Variants in FSTL5 observed in about 807,000 individuals in gnomAD.
The protein encoded by FSTL5 is follistatin like 5.
In FSTL5, 62 loss-of-function variants were observed where a neutral mutation model predicts 89.1. The observed-to-expected ratio is 0.70, with a 90% CI of 0.57 to 0.86. The LOEUF (loss-of-function observed/expected upper bound fraction) is 0.86, where lower values mean the gene tolerates loss of function less well. FSTL5 is among the 40% of genes least tolerant of loss of function. The pLI is 0.00. For missense variants in FSTL5, 1,057 were observed against 1,001.6 expected (o/e 1.06, Z -0.75); for synonymous variants, 383 against 346.2 (o/e 1.11, Z -1.18).
Position 161,500,071 on chromosome 4 carries a change from A to G in FSTL5, c.1403T>C (p.Ile468Thr), listed in dbSNP as rs1334729546. 2 of 1,611,038 alleles carry G rather than the reference A, an allele frequency of 1.2e-6. No homozygotes were observed. The highest frequency in any genetic ancestry group is 1.1e-5 in the South Asian group (1 of 90,696). ...AATGTGCCTCTGAAATTCACATTCTATGGGTTGTATCACTTTGATTCCATC... is the reference window on the plus strand; with the variant it reads ...AATGTGCCTCTGAAATTCACATTCTGTGGGTTGTATCACTTTGATTCCATC... ...YEDGIKVIQP[I>T]ECEFQRHIKP... Residue 468 changes from isoleucine to threonine, a missense_variant, in exon 12 of 16, where the codon ATA becomes ACA. Ile to Thr is a moderately conservative substitution (Grantham distance 89). Around this residue, in one of 3 missense-constraint regions of FSTL5, gnomAD observed 980 missense variants for 903.2 expected, o/e 1.08. Transcript: ENST00000306100.
chr4:161,448,823 G>C (rs1394677600), intron 15 of FSTL5, among the ~76,000 whole-genome samples: 2 of 152,072 alleles, frequency 1.3e-5, no homozygotes, highest in Admixed American at 6.6e-5. Flanking sequence ...GATCCTAAAG[G>C]AGTGCCTTCC....
intron 3 of FSTL5, among the ~76,000 whole-genome samples, chr4:161,980,247 GA>G (rs1425843043): frequency 7.9e-6 from 1 of 126,538 alleles, no homozygotes; most frequent in African/African-American, 2.9e-5. Context: ...AAGAAAGGAA[GA>G]AGGAAGAAAG....
At chr4:161,872,145 T>G (rs1252077706) in intron 4 of FSTL5, among the ~76,000 whole-genome samples, 3 of 132,078 alleles carry the variant, frequency 2.3e-5, no homozygotes, top group East Asian at 2.4e-4. Flanking sequence ...TTTTTGGTTT[T>G]TTTTTTTTTT....
At position 162,158,399 on chromosome 4, in the gene FSTL5, T is replaced by C. The variant is rs1379945138; in HGVS notation, c.-17+5216A>G. 3.3e-5 allele frequency among the ~76,000 whole-genome samples: 5 copies of C among 152,250 alleles called. No individual in the cohort carries two copies. In the East Asian group the frequency reaches 9.6e-4, roughly 29 times the overall value. On this transcript the variant is annotated intron_variant, in intron 1 of 15. Coordinates refer to ENST00000306100, the MANE Select transcript of FSTL5 (RefSeq NM_020116.5). ...AAACCCCTTAAGGTCTTTGGTATTA[T>C]GTATTCTAAAGTGTGTATACTAAAG...
chr4:161,515,155 A>T (rs1264892896), intron 10 of FSTL5, among the ~76,000 whole-genome samples: 1 of 152,008 alleles, frequency 6.6e-6, no homozygotes, highest in Non-Finnish European at 1.5e-5. Context: ...ATTAAAAAAA[A>T]CCTCAAATTT....
At chr4:161,611,664 A>C (rs980120631) in intron 7 of FSTL5, among the ~76,000 whole-genome samples, 2 of 152,200 alleles carry the variant, frequency 1.3e-5, no homozygotes, top group African/African-American at 4.8e-5. Flanking sequence ...TACAGTGAAC[A>C]CATAGAAATG....
intron 4 of FSTL5, among the ~76,000 whole-genome samples, chr4:161,842,831 A>G (rs1731254606): frequency 6.6e-6 from 1 of 152,128 alleles, no homozygotes; most frequent in Non-Finnish European, 1.5e-5. Context: ...AGACATGACA[A>G]TCCTTTGCCA....
At chr4:161,558,293 C>G (rs1361894498) in intron 8 of FSTL5, among the ~76,000 whole-genome samples, 3 of 151,714 alleles carry the variant, frequency 2.0e-5, no homozygotes, top group Admixed American at 1.3e-4. Flanking sequence ...GTCACTAGGG[C>G]TTTTGTGGTG....
intron 4 of FSTL5, among the ~76,000 whole-genome samples, chr4:161,811,328 T>C (rs1211391934): frequency 2.0e-5 from 3 of 152,204 alleles, no homozygotes; most frequent in Non-Finnish European, 4.4e-5. Context: ...TTTTCTTTGC[T>C]GGATAATCAA....
chr4:161,509,793 C>T (rs17041137), intron 11 of FSTL5, among the ~76,000 whole-genome samples: 26,917 of 152,076 alleles, frequency 0.18, 2,657 homozygotes, highest in East Asian at 0.37. Flanking sequence ...TTCTTCCCAG[C>T]CTTTGTGACT....
intron 3 of FSTL5, among the ~76,000 whole-genome samples, chr4:161,991,477 A>T (rs967629168): frequency 6.6e-6 from 1 of 152,124 alleles, no homozygotes; most frequent in African/African-American, 2.4e-5. Flanking sequence ...CATATTATTA[A>T]CTCATTTGAA....
At chr4:161,687,696 C>A (rs1396020019) in intron 6 of FSTL5, among the ~76,000 whole-genome samples, 1 of 152,182 alleles carries the variant, frequency 6.6e-6, no homozygotes, top group East Asian at 1.9e-4. Flanking sequence ...GCCATTCTCT[C>A]TCTACCTTGG....
chr4:161,518,409 T>C (rs1227686058), intron 10 of FSTL5, among the ~76,000 whole-genome samples: 1 of 152,154 alleles, frequency 6.6e-6, no homozygotes, highest in African/African-American at 2.4e-5. Flanking sequence ...AGGACTATGA[T>C]AACTTGTGAC....
intron 7 of FSTL5, among the ~76,000 whole-genome samples, chr4:161,620,230 C>T (rs1220380680): frequency 1.3e-5 from 2 of 150,666 alleles, no homozygotes; most frequent in African/African-American, 2.4e-5. Context: ...AGGAGATATA[C>T]CTAATGCTAA....
intron 12 of FSTL5, among the ~76,000 whole-genome samples, chr4:161,497,836 G>A (rs1249902250): frequency 6.6e-6 from 1 of 151,626 alleles, no homozygotes; most frequent in Non-Finnish European, 1.5e-5. Flanking sequence ...GTGGATAAGG[G>A]TTCACTGTTT....
chr4:161,794,468 T>C (rs181852199), intron 4 of FSTL5, among the ~76,000 whole-genome samples: 2 of 152,318 alleles, frequency 1.3e-5, no homozygotes, highest in Admixed American at 1.3e-4. Flanking sequence ...CATATTAAGG[T>C]AATTGTAAAT....
At chr4:161,475,027 CTTTTT>C (rs58684881) in intron 13 of FSTL5, among the ~76,000 whole-genome samples, 1 of 129,452 alleles carries the variant, frequency 7.7e-6, no homozygotes, top group Non-Finnish European at 1.7e-5. Flanking sequence ...CCTTGATTGG[CTTTTT>C]TTTTTTTTTT....
chr4:162,077,210 G>A (rs1729887462), intron 2 of FSTL5, among the ~76,000 whole-genome samples: 1 of 151,798 alleles, frequency 6.6e-6, no homozygotes, highest in South Asian at 2.1e-4. Context: ...GAGAGGGCAA[G>A]AGAGTGAGGG....
chr4:161,958,235 T>C (rs1735077616), intron 3 of FSTL5, among the ~76,000 whole-genome samples: 1 of 152,072 alleles, frequency 6.6e-6, no homozygotes, highest in African/African-American at 2.4e-5. Context: ...CTTTCTGTAG[T>C]TTCTTAAACA....
Sources: gnomAD v4.1 joint callset for allele counts (sites outside exome capture counted in the v4.1 genomes callset) on GRCh38, gnomAD v4.1.1 for gene constraint, gnomAD v4.1.1 regional missense constraint, MANE v1.5 for transcripts, NCBI Gene and HGNC (gene_info 2026-07-23, HGNC 2026-07-21) for gene names.